The following BICDL1 variants were observed in gnomAD, a reference collection of about 807,000 sequenced individuals.
The protein encoded by BICDL1 is BICD family like cargo adaptor 1, also known as BICD family-like cargo adapter 1.
In BICDL1, 20 loss-of-function variants were observed where a neutral mutation model predicts 76.8. The ratio of observed to expected loss-of-function variants is 0.26; its 90% confidence interval spans 0.18 to 0.38. The LOEUF is 0.38. Ranked by LOEUF, BICDL1 falls within the 10% of genes least tolerant of loss-of-function variation. The probability of loss-of-function intolerance (pLI) is 1.00; values close to 1 mark genes in which losing one functional copy is unlikely to be tolerated. For synonymous variants in BICDL1, 383 were observed against 337.1 expected (o/e 1.14, Z -1.49); for missense variants, 700 against 798.6 (o/e 0.88, Z 1.49).
At chr12:120,047,055 C>A (rs183556155) in intron 2 of BICDL1, among the ~76,000 whole-genome samples, 1 of 152,194 alleles carries the variant, frequency 6.6e-6, no homozygotes, top group Non-Finnish European at 1.5e-5. Context: ...CTGATAGTTA[C>A]CGAAAGGATA....
chr12:120,089,128 C>G (rs1009472338), intron 8 of BICDL1, among the ~76,000 whole-genome samples: 1 of 152,216 alleles, frequency 6.6e-6, no homozygotes, highest in African/African-American at 2.4e-5. Context: ...ACAAGGAATC[C>G]CTTCTATACC....
rs564941796 is a variant in BICDL1, at chr12:120,081,916, C to A, written c.1583+899C>A. Among the ~76,000 whole-genome samples, 9 of 148,282 alleles carry A rather than the reference C, an allele frequency of 6.1e-5. No homozygotes were observed. The East Asian group carries it at 1.6e-3, about 26-fold the overall frequency. On this transcript the variant is annotated intron_variant, in intron 8 of 9. Transcript: ENST00000548673. ...ATAAACACTTCAGTATACATCTCTA[C>A]CAGAAAGAATTAAAAAAAAAAAAAA...
intron 1 of BICDL1, among the ~76,000 whole-genome samples, chr12:119,995,851 T>TG (rs1951632941): frequency 6.6e-6 from 1 of 150,998 alleles, no homozygotes; most frequent in Admixed American, 6.6e-5. Context: ...CTGGGCGTGG[T>TG]GGTGGGCGCC....
intron 2 of BICDL1, among the ~76,000 whole-genome samples, chr12:120,034,811 T>G (rs1483134733): frequency 6.6e-6 from 1 of 152,156 alleles, no homozygotes; most frequent in Non-Finnish European, 1.5e-5. Context: ...GTTGACCCTG[T>G]CCATAGGCAG....
chr12:120,025,007 A>G (rs1952261027), intron 2 of BICDL1, among the ~76,000 whole-genome samples: 1 of 151,086 alleles, frequency 6.6e-6, no homozygotes, highest in Non-Finnish European at 1.5e-5. Flanking sequence ...TGTGTAGCCA[A>G]GTCCTTCTTC....
Position 119,989,807 on chromosome 12 carries a change from C to G in BICDL1, c.-62C>G. 1.2e-6 allele frequency: 1 copy of G among 828,872 alleles called. No individual in the cohort carries two copies. The highest frequency in any genetic ancestry group is 1.5e-6 in the Non-Finnish European group (1 of 672,458). 51.3% of individuals were successfully genotyped at this position (828,872 alleles called of 1,614,324 possible). A position where few individuals can be genotyped will look rare whatever the true frequency, so the allele number is the denominator to read the frequency against. On this transcript the variant is annotated 5_prime_UTR_variant, in exon 1 of 10. Coordinates refer to ENST00000548673, the MANE Select transcript of BICDL1 (RefSeq NM_001367886.1). ...GCGGGGCGGCGCGGCAGGGCCCCTC[C>G]CCCCTGCAGCCTGGCGCGCGCGGGC...
intron 2 of BICDL1, among the ~76,000 whole-genome samples, chr12:120,006,030 A>G (rs1212764469): frequency 6.6e-6 from 1 of 152,218 alleles, no homozygotes; most frequent in African/African-American, 2.4e-5. Context: ...CTCTCCTCAT[A>G]TCTACCTTCA....
chr12:120,019,068 T>C (rs60845383), intron 2 of BICDL1: 2 of 137,972 alleles, frequency 1.4e-5, no homozygotes, highest in Non-Finnish European at 3.1e-5. Flanking sequence ...AAAAAAAAAG[T>C]CTGTGTCTTG....
At chr12:119,992,054 A>G (rs771887990) in intron 1 of BICDL1, among the ~76,000 whole-genome samples, 3 of 152,248 alleles carry the variant, frequency 2.0e-5, no homozygotes, top group Non-Finnish European at 4.4e-5. Context: ...CAACAATGTG[A>G]ATATAACTAA....
chr12:120,071,824 A>G lies in BICDL1; in HGVS notation c.1089+23A>G. ...CAGGTGCTGACCTGCCTGTCACCCC[A>G]CAGGCGAGGCTACCTGGGGTTGCTT... is the stretch of plus-strand genomic sequence containing the variant. On this transcript the variant is annotated intron_variant, in intron 5 of 9. Coordinates refer to ENST00000548673, the MANE Select transcript of BICDL1 (RefSeq NM_001367886.1). The surrounding 1 kb of genome is among the most constrained non-coding windows in gnomAD (Gnocchi z 4.8). 6.4e-7 allele frequency: 1 copy of G among 1,573,100 alleles called. No individual in the cohort carries two copies. The highest frequency in any genetic ancestry group is 8.6e-7 in the Non-Finnish European group (1 of 1,160,772).
At chr12:120,017,827 A>G (rs1311578453) in intron 2 of BICDL1, among the ~76,000 whole-genome samples, 2 of 152,248 alleles carry the variant, frequency 1.3e-5, no homozygotes, top group Non-Finnish European at 2.9e-5. Context: ...TTAATCGAGT[A>G]TAGGCTGTGG....
chr12:120,083,629 GTATTTATTTATTTATT>G (rs10566467), intron 8 of BICDL1, among the ~76,000 whole-genome samples: 12,514 of 145,140 alleles, frequency 0.086, 665 homozygotes, highest in African/African-American at 0.14. Context: ...ATTAATAGTA[GTATTTATTTATTTATT>G]TATTTATTTA....
At chr12:120,031,706 A>G (rs1316348714) in intron 2 of BICDL1, among the ~76,000 whole-genome samples, 1 of 152,178 alleles carries the variant, frequency 6.6e-6, no homozygotes, top group Non-Finnish European at 1.5e-5. Context: ...CAAAAAACAA[A>G]ATCAAGACTA....
intron 2 of BICDL1, among the ~76,000 whole-genome samples, chr12:120,046,176 A>G (rs1952747120): frequency 6.6e-6 from 1 of 152,176 alleles, no homozygotes; most frequent in Admixed American, 6.5e-5. Flanking sequence ...GGATGAAAGC[A>G]AGTGCCTAAA....
chr12:120,029,275 A>G (rs1422957420), intron 2 of BICDL1, among the ~76,000 whole-genome samples: 1 of 152,214 alleles, frequency 6.6e-6, no homozygotes, highest in Non-Finnish European at 1.5e-5. Flanking sequence ...CCTGAATTGT[A>G]GGGCTATAAT....
Position 119,998,567 on chromosome 12 carries a change from G to T in BICDL1, c.476G>T (p.Arg159Leu). 1 of 1,613,792 alleles carries T rather than the reference G, an allele frequency of 6.2e-7. No homozygotes were observed. Among genetic ancestry groups the T allele is most frequent in the Non-Finnish European group, 8.5e-7 (1 of 1,179,882 alleles). ...KHELRRRFEN[R>L]EGEWEGRVSE... The stretch of plus-strand genomic sequence containing the variant: ...GAATTGAGAAGACGATTTGAGAACC[G>T]AGAAGGGGAGTGGGAAGGCCGAGTG... Residue 159 changes from arginine to leucine, a missense_variant, in exon 2 of 10, where the codon CGA becomes CTA. Transcript: ENST00000548673.
chr12:120,017,187 T>C (rs1344209462), intron 2 of BICDL1, among the ~76,000 whole-genome samples: 1 of 152,228 alleles, frequency 6.6e-6, no homozygotes, highest in African/African-American at 2.4e-5. Context: ...TGAGCCATCG[T>C]GCCCAGCCTA....
intron 8 of BICDL1, among the ~76,000 whole-genome samples, chr12:120,086,092 A>C (rs559273606): frequency 2.0e-5 from 3 of 152,114 alleles, no homozygotes; most frequent in Admixed American, 6.5e-5. Context: ...GCCTGCTTTC[A>C]AAGGAGGCCC....
chr12:120,013,026 G>C (rs945058989), intron 2 of BICDL1, among the ~76,000 whole-genome samples: 1 of 152,116 alleles, frequency 6.6e-6, no homozygotes, highest in Non-Finnish European at 1.5e-5. Context: ...TATAAAGCCT[G>C]TGGGCCGGTA....
Sources: allele counts gnomAD v4.1 joint callset (sites outside exome capture counted in the v4.1 genomes callset), GRCh38; gene constraint gnomAD v4.1.1; non-coding constraint Gnocchi (gnomAD v3.1); transcripts MANE v1.5; gene names NCBI Gene and HGNC (gene_info 2026-07-23, HGNC 2026-07-21).